Variants in GULP1 observed in about 807,000 individuals in gnomAD.
The protein encoded by GULP1 is GULP PTB domain containing engulfment adaptor 1.
Under a neutral mutation model 40.9 loss-of-function variants are expected in GULP1, and 19 were observed. The ratio of observed to expected loss-of-function variants is 0.46; its 90% CI spans 0.32 to 0.68. The LOEUF (loss-of-function observed/expected upper bound fraction) is 0.68, where lower values mean the gene tolerates loss of function less well. Ranked by LOEUF, GULP1 falls within the 30% of genes least tolerant of loss-of-function variation. The pLI is 0.03. For missense variants in GULP1, 312 were observed against 362.2 expected (o/e 0.86, Z 1.12); for synonymous variants, 119 against 117.6 (o/e 1.01, Z -0.08).
chr2:188,532,416 T>A (rs187112166), intron 6 of GULP1, among the ~76,000 whole-genome samples: 160 of 152,260 alleles, frequency 1.1e-3, no homozygotes, highest in African/African-American at 3.7e-3. Context: ...TGGCTACCAC[T>A]AACTACCGCT....
chr2:188,298,628 C>T (rs1019807201), intron 1 of GULP1, among the ~76,000 whole-genome samples: 11 of 152,090 alleles, frequency 7.2e-5, no homozygotes, highest in Non-Finnish European at 1.6e-4. Context: ...AGCTTCTTAG[C>T]AGTAAATCAG....
chr2:188,576,660 C>G (rs891686916), intron 9 of GULP1, among the ~76,000 whole-genome samples: 48 of 152,194 alleles, frequency 3.2e-4, no homozygotes, highest in African/African-American at 1.1e-3. Context: ...AGTGAAATAG[C>G]CTTCAATTGT....
At chr2:188,365,121 G>C (rs2046615856) in intron 1 of GULP1, among the ~76,000 whole-genome samples, 1 of 152,094 alleles carries the variant, frequency 6.6e-6, no homozygotes, top group Admixed American at 6.5e-5. Context: ...TAGAAATAGT[G>C]TTTCCCTGAT....
At chr2:188,520,052 A>C (rs928402486) in intron 4 of GULP1, among the ~76,000 whole-genome samples, 2 of 152,204 alleles carry the variant, frequency 1.3e-5, no homozygotes, top group African/African-American at 4.8e-5. Flanking sequence ...GGTGTCAGGA[A>C]TAGATTTGGC....
intron 9 of GULP1, among the ~76,000 whole-genome samples, chr2:188,578,436 G>A (rs1293179698): frequency 6.6e-6 from 1 of 151,522 alleles, no homozygotes; most frequent in Non-Finnish European, 1.5e-5. Flanking sequence ...TTAAAACCTA[G>A]ATGACAGGTT....
intron 4 of GULP1, among the ~76,000 whole-genome samples, chr2:188,502,351 C>A (rs2063514355): frequency 6.6e-6 from 1 of 151,870 alleles, no homozygotes; most frequent in Non-Finnish European, 1.5e-5. Context: ...TATCAGGATT[C>A]ATTCTTGAGC....
intron 2 of GULP1, among the ~76,000 whole-genome samples, chr2:188,448,651 A>G (rs151281511): frequency 6.6e-6 from 1 of 152,336 alleles, no homozygotes; most frequent in Non-Finnish European, 1.5e-5. Context: ...ACTGTATTAA[A>G]TAGAACATAT....
chr2:188,303,112 A>G (rs1423713166), intron 1 of GULP1, among the ~76,000 whole-genome samples: 1 of 152,148 alleles, frequency 6.6e-6, no homozygotes. Flanking sequence ...CACTGGAACC[A>G]TTAGCAATTT....
At position 188,431,516 on chromosome 2, in the gene GULP1, C is replaced by T. The variant is rs187909035; in HGVS notation, c.-44-46143C>T. On this transcript the variant is annotated intron_variant, in intron 2 of 11. Transcript: ENST00000409830. ...TAAAAATTTAAAACTTACAATTTCACGAAGAGTAATTGTAAAAGTAAAGAA... is the reference window on the plus strand; with the variant it reads ...TAAAAATTTAAAACTTACAATTTCATGAAGAGTAATTGTAAAAGTAAAGAA... 7.6e-4 allele frequency among the ~76,000 whole-genome samples: 116 copies of T among 152,088 alleles called. 1 individual carries two copies. Among genetic ancestry groups the T allele is most frequent in the African/African-American group, 2.4e-3 (99 of 41,492 alleles).
chr2:188,515,995 T>C (rs541192954), intron 4 of GULP1, among the ~76,000 whole-genome samples: 12 of 152,352 alleles, frequency 7.9e-5, no homozygotes, highest in Admixed American at 6.5e-4. Flanking sequence ...GCCCTTCTCC[T>C]AAGCCTCACT....
chr2:188,526,910 G>C (rs1053059346), intron 5 of GULP1, among the ~76,000 whole-genome samples: 1 of 152,126 alleles, frequency 6.6e-6, no homozygotes, highest in African/African-American at 2.4e-5. Context: ...GAAATAAGAA[G>C]CTTAGATTGC....
At chr2:188,382,912 G>T (rs190810918) in intron 1 of GULP1, among the ~76,000 whole-genome samples, 10 of 152,134 alleles carry the variant, frequency 6.6e-5, no homozygotes, top group African/African-American at 2.4e-4. Context: ...CAGAGGAAGA[G>T]ATAAAATAAT....
At chr2:188,404,523 T>C (rs1314592946) in intron 2 of GULP1, among the ~76,000 whole-genome samples, 1 of 152,234 alleles carries the variant, frequency 6.6e-6, no homozygotes, top group East Asian at 1.9e-4. Context: ...AACCCAGTGT[T>C]GGGCAGGTTT....
At chr2:188,466,450 T>C in intron 2 of GULP1, 1 of 150,818 alleles carries the variant, frequency 6.6e-6, no homozygotes, top group East Asian at 2.0e-4. Flanking sequence ...GCTAATTTTT[T>C]TTTTTTTTTT....
chr2:188,420,920 AC>A (rs2055314271), intron 2 of GULP1, among the ~76,000 whole-genome samples: 1 of 151,968 alleles, frequency 6.6e-6, no homozygotes, highest in Non-Finnish European at 1.5e-5. Flanking sequence ...TTCACTGGGG[AC>A]CTGTCCCTAT....
At chr2:188,369,416 G>A (rs62183207) in intron 1 of GULP1, among the ~76,000 whole-genome samples, 6,400 of 151,902 alleles carry the variant, frequency 0.042, 189 homozygotes, top group Non-Finnish European at 0.067. Flanking sequence ...ACTCACCTCA[G>A]AAAGGCTAAG....
chr2:188,453,773 T>G (rs1340453800), intron 2 of GULP1, among the ~76,000 whole-genome samples: 1 of 152,102 alleles, frequency 6.6e-6, no homozygotes, highest in Non-Finnish European at 1.5e-5. Context: ...AGGGTAAGGG[T>G]GGGGAATAAT....
chr2:188,334,457 G>T (rs2042009108), intron 1 of GULP1, among the ~76,000 whole-genome samples: 1 of 152,092 alleles, frequency 6.6e-6, no homozygotes, highest in Non-Finnish European at 1.5e-5. Context: ...AGACTTCTGG[G>T]TCTATAGCAG....
At chr2:188,326,234 AC>A (rs1437248931) in intron 1 of GULP1, among the ~76,000 whole-genome samples, 4 of 152,262 alleles carry the variant, frequency 2.6e-5, no homozygotes, top group African/African-American at 9.6e-5. Flanking sequence ...ATTTCATTAT[AC>A]ATACTATCTG....
Sources: gnomAD v4.1 joint callset for allele counts (sites outside exome capture counted in the v4.1 genomes callset) on GRCh38, gnomAD v4.1.1 for gene constraint, MANE v1.5 for transcripts, NCBI Gene and HGNC (gene_info 2026-07-23, HGNC 2026-07-21) for gene names.